The following LMO7 variants were observed in gnomAD, a reference collection of about 807,000 sequenced individuals.
LMO7 encodes LIM domain 7, also known as LIM domain only protein 7.
A neutral mutation model predicts 206.5 loss-of-function variants in LMO7; 120 were observed. That is an observed-to-expected ratio of 0.58 (90% CI 0.50 to 0.68). The LOEUF (loss-of-function observed/expected upper bound fraction) is 0.68. Among genes scored for constraint, LMO7 ranks in the 30% least tolerant of loss-of-function variants. The pLI, the probability that LMO7 is intolerant of heterozygous loss-of-function variation, is 0.00. For missense variants in LMO7, 1,959 were observed against 1,957.9 expected (o/e 1.00, Z -0.01); for synonymous variants, 706 against 681.5 (o/e 1.04, Z -0.56).
rs111631528 is a variant in LMO7 at position 75,835,153 on chromosome 13, C to A, written c.3227-80C>A. On this transcript the variant is annotated intron_variant, in intron 17 of 30. Transcript: ENST00000377534. ...ATTTGATCTTCATGTGCCAATCAGA[C>A]TGGGGCAAAGACCAACCTTCCCTGC... is the stretch of plus-strand genomic sequence containing the variant. 309 of 1,577,316 alleles carry A rather than the reference C, an allele frequency of 2.0e-4. 1 individual carries two copies. In the African/African-American group the frequency reaches 3.9e-3, roughly 20 times the overall value.
chr13:75,859,633 G>T lies in LMO7; in HGVS notation c.*1690G>T, dbSNP rs1423770826. The stretch of plus-strand genomic sequence containing the variant: ...TCTCTTTCTTTATATTATTTTCATA[G>T]ACATGAAATAGTTGCTCAGAGATTA... On this transcript the variant is annotated 3_prime_UTR_variant, in exon 31 of 31. Coordinates refer to ENST00000377534, the MANE Select transcript of LMO7 (RefSeq NM_001306080.2). 6.6e-6 allele frequency: 1 copy of T among 152,016 alleles called. No individual in the cohort carries two copies. The highest frequency in any genetic ancestry group is 1.9e-4 in the East Asian group (1 of 5,190). The allele number at this position is 152,016 out of a possible 1,614,324, so 9.4% of individuals were successfully genotyped here.
chr13:75,842,110 G>C (rs1359826445), intron 24 of LMO7, 127 bp downstream of exon 24: 2 of 687,368 alleles, frequency 2.9e-6, no homozygotes, highest in Non-Finnish European at 4.8e-6. Context: ...CCACCAAAGA[G>C]AACCTTTAAA....
At chr13:75,824,638 C>G (rs566161640) in intron 15 of LMO7, among the ~76,000 whole-genome samples, 15 of 152,284 alleles carry the variant, frequency 9.9e-5, no homozygotes, top group African/African-American at 3.6e-4. Context: ...AAGTGTCTCT[C>G]TCTTAGAAAG....
chr13:75,735,116 CGTGTGTGTGT>C (rs112512807), intron 3 of LMO7, among the ~76,000 whole-genome samples: 5 of 145,602 alleles, frequency 3.4e-5, no homozygotes, highest in African/African-American at 7.7e-5. Context: ...AAAAAAATTA[CGTGTGTGTGT>C]GTGTGTGTGT....
intron 3 of LMO7, among the ~76,000 whole-genome samples, chr13:75,733,113 G>C (rs2045432017): frequency 6.6e-6 from 1 of 152,226 alleles, no homozygotes; most frequent in South Asian, 2.1e-4. Context: ...CCCGTTCTCA[G>C]ATCTCCAGCT....
chr13:75,644,412 C>T (rs997520626), intron 1 of LMO7, among the ~76,000 whole-genome samples: 2 of 152,072 alleles, frequency 1.3e-5, no homozygotes, highest in Non-Finnish European at 2.9e-5. Flanking sequence ...CTGGGAGTGG[C>T]GCTGGCCAGG....
chr13:75,815,305 G>T (rs1228909884), intron 11 of LMO7, among the ~76,000 whole-genome samples: 1 of 152,146 alleles, frequency 6.6e-6, no homozygotes, highest in African/African-American at 2.4e-5. Flanking sequence ...GGTGCAGGTG[G>T]TAAGAAGTGG....
At chr13:75,654,563 C>A (rs1051463315) in intron 1 of LMO7, among the ~76,000 whole-genome samples, 3 of 152,008 alleles carry the variant, frequency 2.0e-5, no homozygotes, top group Non-Finnish European at 4.4e-5. Flanking sequence ...GGGGCTGTGG[C>A]GTGTGGGGGG....
intron 1 of LMO7, among the ~76,000 whole-genome samples, chr13:75,670,504 G>A (rs2039466745): frequency 6.6e-6 from 1 of 152,172 alleles, no homozygotes; most frequent in Admixed American, 6.5e-5. Flanking sequence ...CTACAAACCT[G>A]TGCTGCATGT....
At chr13:75,713,342 C>T (rs778934452) in intron 2 of LMO7, 90 bp downstream of exon 2, 14 of 807,782 alleles carry the variant, frequency 1.7e-5, no homozygotes, top group East Asian at 2.7e-5. Flanking sequence ...CCATGGCCAC[C>T]GTAGTCACAG....
At chr13:75,696,068 C>T (rs578107579) in intron 1 of LMO7, among the ~76,000 whole-genome samples, 3 of 152,148 alleles carry the variant, frequency 2.0e-5, no homozygotes, top group African/African-American at 7.2e-5. Context: ...AGTAAAGAAC[C>T]GAAGCTGGCC....
chr13:75,801,059 T>C (rs1052150455), intron 7 of LMO7, among the ~76,000 whole-genome samples, 177 bp downstream of exon 7: 2 of 152,152 alleles, frequency 1.3e-5, no homozygotes, highest in African/African-American at 4.8e-5. Flanking sequence ...ATGATGGTGA[T>C]AGTTTCATTT....
At chr13:75,833,030 C>A (rs770766932) in intron 15 of LMO7, 21 bp from the exon 16 acceptor site, 7 of 1,385,862 alleles carry the variant, frequency 5.1e-6, no homozygotes, top group South Asian at 4.6e-5. Flanking sequence ...CGGATACCAG[C>A]GTTTCATGTT....
intron 4 of LMO7, among the ~76,000 whole-genome samples, chr13:75,784,215 C>T (rs1346124154): frequency 2.0e-5 from 3 of 151,990 alleles, no homozygotes; most frequent in Admixed American, 6.6e-5. Context: ...TTAATATTGC[C>T]GAGGTTGAGA....
chr13:75,631,670 G>A (rs961283039), upstream of LMO7: 1 of 152,368 alleles, frequency 6.6e-6, no homozygotes, highest in African/African-American at 2.4e-5. Flanking sequence ...ATAATCTTAA[G>A]TCATTCACTG....
At position 75,713,254 on chromosome 13, in the gene LMO7, T is replaced by G. The variant is rs1196440457; in HGVS notation, c.140+2T>G. The G allele has an allele frequency of 4.4e-6, 7 of 1,600,512 alleles. No individual in the cohort carries two copies. Among genetic ancestry groups the G allele is most frequent in the South Asian group, 1.1e-5 (1 of 90,074 alleles). The stretch of plus-strand genomic sequence containing the variant: ...AGAAAATGGTGTTCTGCTGTGTGAG[T>G]AAGTATTTAAAGTATTTAAAAAATA... On this transcript the variant is annotated splice_donor_variant, in intron 2 of 30. Coordinates refer to ENST00000377534, the MANE Select transcript of LMO7 (RefSeq NM_001306080.2). LOFTEE classifies it high-confidence loss of function.
rs566129253 is a variant in LMO7, at chr13:75,772,658, A to G, written c.317+11620A>G. Reference sequence around the variant, plus strand: ...TTGTCTCTATGTCCAAATGAAGGATATGAAGACTAAATGAAGGAATTCTTT... The same window carrying G: ...TTGTCTCTATGTCCAAATGAAGGATGTGAAGACTAAATGAAGGAATTCTTT... On this transcript the variant is annotated intron_variant, in intron 4 of 30. Transcript: ENST00000377534. Among the ~76,000 whole-genome samples the G allele has an allele frequency of 1.0e-3, 154 of 152,270 alleles. 1 individual carries two copies. In the Middle Eastern group the frequency reaches 0.01, roughly 10 times the overall value.
intron 1 of LMO7, among the ~76,000 whole-genome samples, chr13:75,661,035 A>G (rs891018096): frequency 4.6e-5 from 7 of 152,228 alleles, no homozygotes; most frequent in African/African-American, 1.7e-4. Flanking sequence ...TGTTCATTTT[A>G]GATTACTTAT....
chr13:75,719,544 A>G (rs1017847983), intron 2 of LMO7, among the ~76,000 whole-genome samples: 14 of 152,062 alleles, frequency 9.2e-5, no homozygotes, highest in African/African-American at 3.1e-4. Context: ...TTCTCATGAT[A>G]GTGAGTGAGT....
Sources: gnomAD v4.1 joint callset for allele counts (sites outside exome capture counted in the v4.1 genomes callset) on GRCh38, gnomAD v4.1.1 for gene constraint, MANE v1.5 for transcripts, NCBI Gene and HGNC (gene_info 2026-07-23, HGNC 2026-07-21) for gene names.